The following SERPINB8 variants were observed in gnomAD, a reference collection of about 807,000 sequenced individuals.
The protein encoded by SERPINB8 is serpin B8.
Under a neutral mutation model 35.3 loss-of-function variants are expected in SERPINB8, and 25 were observed. That is an observed-to-expected ratio of 0.71 (90% CI 0.52 to 0.99). The LOEUF is 0.99. Among genes scored for constraint, SERPINB8 ranks in the 50% least tolerant of loss-of-function variants. The probability of loss-of-function intolerance (pLI) is 0.00; values close to 1 mark genes in which losing one functional copy is unlikely to be tolerated. For missense variants in SERPINB8, 484 were observed against 446.5 expected (o/e 1.08, Z -0.76); for synonymous variants, 186 against 160.8 (o/e 1.16, Z -1.19).
chr18:63,986,355 G>T, intron 6 of SERPINB8: 1 of 1,592,788 alleles, frequency 6.3e-7, no homozygotes, highest in South Asian at 1.2e-5. Flanking sequence ...CCCATTTCTC[G>T]TCTCATGCTC....
chr18:63,971,756 A>T (rs1360940533), intron 1 of SERPINB8, among the ~76,000 whole-genome samples: 2 of 152,184 alleles, frequency 1.3e-5, no homozygotes, highest in East Asian at 3.9e-4. Flanking sequence ...CGTTTGTTTA[A>T]AAACCATGCA....
At chr18:64,017,555 A>G (rs1350415140) in intron 7 of SERPINB8, among the ~76,000 whole-genome samples, 1 of 152,154 alleles carries the variant, frequency 6.6e-6, no homozygotes, top group Non-Finnish European at 1.5e-5. Flanking sequence ...CCTGTACATG[A>G]ACTAGTTGAA....
intron 7 of SERPINB8, among the ~76,000 whole-genome samples, chr18:64,015,796 CT>C (rs1277394027): frequency 6.6e-6 from 1 of 152,194 alleles, no homozygotes; most frequent in Non-Finnish European, 1.5e-5. Context: ...TGAAGTTTCT[CT>C]CATTAGAATG....
At chr18:64,012,745 A>G (rs2050931337) in intron 7 of SERPINB8, among the ~76,000 whole-genome samples, 1 of 152,006 alleles carries the variant, frequency 6.6e-6, no homozygotes, top group Admixed American at 6.6e-5. Context: ...CTCCTTGTAA[A>G]TTTTGATTGT....
chr18:63,995,954 A>G lies in SERPINB8; in HGVS notation c.71-8865A>G, dbSNP rs117542601. On this transcript the variant is annotated intron_variant, in intron 1 of 1. Transcript: ENST00000493661. ...GTGTGGGGAAACAGGAATTAGGGAG[A>G]AGTAAGGAAGAGGAATTGGTCAACA... is the stretch of plus-strand genomic sequence containing the variant. 5.8e-3 allele frequency among the ~76,000 whole-genome samples: 876 copies of G among 152,186 alleles called. 2 individuals carry two copies. Among genetic ancestry groups the G allele is most frequent in the Middle Eastern group, 0.01 (3 of 294 alleles).
intron 1 of SERPINB8, among the ~76,000 whole-genome samples, chr18:64,003,551 G>A (rs866243262): frequency 8.5e-6 from 1 of 117,680 alleles, no homozygotes; most frequent in South Asian, 3.3e-4. Flanking sequence ...GTGTGTGTGT[G>A]TGTGTGTATT....
chr18:63,985,253 C>G lies in SERPINB8; in HGVS notation c.720+8C>G, dbSNP rs763443156. ...AACACGGACCTCGCCGTGGTAAGCT[C>G]CAGGCAATGAGCCTGAGTATCTGTG... On this transcript the variant is annotated splice_region_variant and intron_variant, in intron 6 of 6. Transcript: ENST00000397985. 3 of 1,613,756 alleles carry G rather than the reference C, an allele frequency of 1.9e-6. No homozygotes were observed. Among genetic ancestry groups the G allele is most frequent in the African/African-American group, 2.7e-5 (2 of 74,890 alleles).
intron 7 of SERPINB8, among the ~76,000 whole-genome samples, chr18:64,015,249 G>A (rs747542221): frequency 1.3e-5 from 2 of 152,122 alleles, no homozygotes; most frequent in Non-Finnish European, 2.9e-5. Flanking sequence ...CCCTGACCAG[G>A]GCTGTCTCAG....
intron 1 of SERPINB8, among the ~76,000 whole-genome samples, chr18:63,997,761 A>T (rs1413181205): frequency 6.6e-6 from 1 of 152,190 alleles, no homozygotes; most frequent in East Asian, 1.9e-4. Flanking sequence ...TGTAAAACAC[A>T]TCCCTCTCTT....
At chr18:64,007,229 A>G (rs892086795), downstream of SERPINB8, among the ~76,000 whole-genome samples, 2 of 152,082 alleles carry the variant, frequency 1.3e-5, no homozygotes, top group African/African-American at 4.8e-5. Flanking sequence ...CCTAAGAGAA[A>G]CAGAAAAGTC....
rs559915863 is a variant in SERPINB8 at position 64,016,284 on chromosome 18, GT to G, written c.*3-2621del. Among the ~76,000 whole-genome samples, 18 of 152,290 alleles carry G rather than the reference GT, an allele frequency of 1.2e-4. No homozygotes were observed. In the South Asian group the frequency reaches 1.5e-3, roughly 12 times the overall value. On this transcript the variant is annotated intron_variant, in intron 7 of 7. Transcript: ENST00000636430. ...CTTTCTAGCTATCTCTACTGAGACC[GT>G]TTTTCCCAAATCCCAAATTAGGGCA... is the stretch of plus-strand genomic sequence containing the variant.
In SERPINB8 at chr18:64,000,599, C is replaced by T. The variant is rs527889862; in HGVS notation, c.71-4220C>T. 1.6e-4 allele frequency among the ~76,000 whole-genome samples: 24 copies of T among 152,322 alleles called. No homozygotes were observed. The East Asian group carries it at 3.5e-3, about 22-fold the overall frequency. The stretch of plus-strand genomic sequence containing the variant: ...GCCAGCCATGCCCTGTGCCTACCTG[C>T]ATTTCTAGCTCTGGCCCCTCCATTC... On this transcript the variant is annotated intron_variant, in intron 1 of 1. Transcript: ENST00000493661.
At chr18:64,003,606 C>T (rs2050886555) in intron 1 of SERPINB8, among the ~76,000 whole-genome samples, 1 of 151,386 alleles carries the variant, frequency 6.6e-6, no homozygotes, top group Non-Finnish European at 1.5e-5. Context: ...CTGAGAAGTG[C>T]TAAGATCTGC....
chr18:63,976,730 C>G, intron 1 of SERPINB8, among the ~76,000 whole-genome samples: 1 of 152,006 alleles, frequency 6.6e-6, no homozygotes, highest in Non-Finnish European at 1.5e-5. Flanking sequence ...ATGTTAAGAC[C>G]CTCTTAGCCA....
chr18:63,978,330 A>G lies in SERPINB8; in HGVS notation c.22A>G (p.Asn8Asp), dbSNP rs749079987. 6 of 1,614,148 alleles carry G rather than the reference A, an allele frequency of 3.7e-6. No individual in the cohort carries two copies. The South Asian group carries it at 4.4e-5, about 12-fold the overall frequency. ...TCTGATGGATGACCTCTGTGAAGCAAATGGCACTTTTGCCATCAGCTTATT... is the reference window on the plus strand; with the variant it reads ...TCTGATGGATGACCTCTGTGAAGCAGATGGCACTTTTGCCATCAGCTTATT... The part of the protein sequence containing the change: MDDLCEA[N>D]GTFAISLFKI... The change falls in exon 2 of 7, where the codon AAT becomes GAT. Residue 8 changes from asparagine to aspartate, a missense_variant. Transcript: ENST00000397985.
chr18:64,016,411 G>T (rs1374665244), intron 7 of SERPINB8, among the ~76,000 whole-genome samples: 1 of 152,112 alleles, frequency 6.6e-6, no homozygotes, highest in Non-Finnish European at 1.5e-5. Flanking sequence ...AGGGTAGATT[G>T]CAGTAAGGTT....
chr18:64,004,018 A>G (rs1214559721), intron 1 of SERPINB8, among the ~76,000 whole-genome samples: 1 of 152,194 alleles, frequency 6.6e-6, no homozygotes, highest in Non-Finnish European at 1.5e-5. Flanking sequence ...TCTGGAGGAT[A>G]TACACACTCT....
chr18:63,971,970 C>T (rs150275354), intron 1 of SERPINB8, among the ~76,000 whole-genome samples: 246 of 151,892 alleles, frequency 1.6e-3, no homozygotes, highest in Non-Finnish European at 2.8e-3. Flanking sequence ...TCACCACCTA[C>T]GGAATGCCTG....
downstream of SERPINB8, among the ~76,000 whole-genome samples, chr18:63,994,295 C>G (rs922920090): frequency 2.0e-5 from 3 of 152,078 alleles, no homozygotes; most frequent in Admixed American, 6.5e-5. Context: ...TAATTCAACA[C>G]CTTAACACCT....
Sources: allele counts gnomAD v4.1 joint callset (sites outside exome capture counted in the v4.1 genomes callset), GRCh38; gene constraint gnomAD v4.1.1; transcripts MANE v1.5; gene names NCBI Gene and HGNC (gene_info 2026-07-23, HGNC 2026-07-21).